Variants in OPCML observed in about 807,000 individuals in gnomAD.
The protein encoded by OPCML is opioid binding protein/cell adhesion molecule like.
A neutral mutation model predicts 37.8 loss-of-function variants in OPCML; 13 were observed. The observed-to-expected ratio is 0.34, with a 90% CI of 0.22 to 0.55. OPCML has a LOEUF of 0.55. Ranked by LOEUF, OPCML falls within the 20% of genes least tolerant of loss-of-function variation. The pLI, the probability that OPCML is intolerant of heterozygous loss-of-function variation, is 0.91. For missense variants in OPCML, 341 were observed against 435.6 expected, an observed-to-expected ratio of 0.78 and a Z score of 1.93; for synonymous variants, 176 against 168.8, an observed-to-expected ratio of 1.04 and a Z score of -0.33.
chr11:132,826,207 A>T (rs1253523359), intron 2 of OPCML, among the ~76,000 whole-genome samples: 3 of 152,198 alleles, frequency 2.0e-5, no homozygotes, highest in Non-Finnish European at 4.4e-5. Context: ...TGTCTGTCAC[A>T]CAGTTAGCCA....
At chr11:133,277,443 T>A (rs1455766698) in intron 1 of OPCML, among the ~76,000 whole-genome samples, 2 of 152,102 alleles carry the variant, frequency 1.3e-5, no homozygotes, top group African/African-American at 4.8e-5. Flanking sequence ...TTCATTAATT[T>A]ATACATTAGT....
intron 1 of OPCML, among the ~76,000 whole-genome samples, chr11:133,459,654 T>C (rs964386224): frequency 6.6e-6 from 1 of 152,042 alleles, no homozygotes; most frequent in African/African-American, 2.4e-5. Context: ...TATTATATAA[T>C]GATAAAAGGG....
At chr11:133,481,337 C>T (rs893701222) in intron 1 of OPCML, among the ~76,000 whole-genome samples, 1 of 151,848 alleles carries the variant, frequency 6.6e-6, no homozygotes, top group Non-Finnish European at 1.5e-5. Context: ...GAGTCAAGCC[C>T]AGAAAAGGGA....
chr11:132,875,787 T>C (rs1942988845), intron 2 of OPCML, among the ~76,000 whole-genome samples: 1 of 152,088 alleles, frequency 6.6e-6, no homozygotes, highest in South Asian at 2.1e-4. Context: ...TTATTGAAGG[T>C]CTCCTTTCCA....
At chr11:133,138,455 A>G (rs777894213) in intron 1 of OPCML, among the ~76,000 whole-genome samples, 2 of 152,224 alleles carry the variant, frequency 1.3e-5, no homozygotes, top group Admixed American at 6.5e-5. Context: ...CCTCCTCCAT[A>G]TATAGATCTC....
At chr11:133,129,742 C>A (rs1166176806) in intron 1 of OPCML, among the ~76,000 whole-genome samples, 2 of 151,808 alleles carry the variant, frequency 1.3e-5, no homozygotes, top group Non-Finnish European at 2.9e-5. Context: ...ATCTCTACAA[C>A]AATAATAATA....
intron 1 of OPCML, among the ~76,000 whole-genome samples, chr11:132,948,018 T>C (rs1278880613): frequency 6.6e-6 from 1 of 152,228 alleles, no homozygotes; most frequent in Non-Finnish European, 1.5e-5. Context: ...TATACTACTT[T>C]TGAAGTTATA....
intron 2 of OPCML, among the ~76,000 whole-genome samples, chr11:132,880,930 C>A (rs2136428035): frequency 6.6e-6 from 1 of 152,316 alleles, no homozygotes; most frequent in Non-Finnish European, 1.5e-5. Flanking sequence ...TCCCCACCCC[C>A]ACTTCCATTC....
In OPCML at chr11:133,532,440, G is replaced by A; in HGVS notation, c.-116C>T. 1.6e-6 allele frequency: 2 copies of A among 1,280,694 alleles called. No homozygotes were observed. The highest frequency in any genetic ancestry group is 2.2e-6 in the Non-Finnish European group (2 of 906,830). 79.3% of individuals were successfully genotyped at this position (1,280,694 alleles called of 1,614,324 possible). ...GGTTTAAATCCAATGTTTGCAAAGG[G>A]AGGGAGAGAGCAGAAGAGAGAGAGA... is the stretch of plus-strand genomic sequence containing the variant. On this transcript the variant is annotated 5_prime_UTR_variant, in exon 1 of 8. Transcript: ENST00000524381.
chr11:133,083,304 C>T (rs1948768910), intron 1 of OPCML, among the ~76,000 whole-genome samples: 1 of 152,180 alleles, frequency 6.6e-6, no homozygotes, highest in South Asian at 2.1e-4. Flanking sequence ...CAGACCCGAC[C>T]CCTCTGAGCT....
intron 1 of OPCML, among the ~76,000 whole-genome samples, chr11:133,204,443 G>A (rs1938944563): frequency 6.6e-6 from 1 of 152,140 alleles, no homozygotes; most frequent in South Asian, 2.1e-4. Flanking sequence ...AAAGAAGGAT[G>A]TTATGATATC....
In OPCML at chr11:132,883,296, C is replaced by T. The variant is rs538841476; in HGVS notation, c.146+59630G>A. Among the ~76,000 whole-genome samples the T allele has an allele frequency of 6.6e-5, 10 of 151,184 alleles. No homozygotes were observed. The South Asian group carries it at 2.1e-3, about 32-fold the overall frequency. ...TTAAAAAAAAAAAAGGGGGCTGAAA[C>T]AATCACATTAAATCATTATTTTAGG... On this transcript the variant is annotated intron_variant, in intron 2 of 7. Coordinates refer to ENST00000524381, the MANE Select transcript of OPCML (RefSeq NM_001012393.5).
intron 1 of OPCML, among the ~76,000 whole-genome samples, chr11:133,343,381 T>C (rs1943921184): frequency 6.6e-6 from 1 of 152,168 alleles, no homozygotes; most frequent in South Asian, 2.1e-4. Flanking sequence ...CCTCATTAGA[T>C]AAAAAATTAA....
At chr11:132,539,644 C>T (rs2096350799) in intron 3 of OPCML, among the ~76,000 whole-genome samples, 3 of 151,228 alleles carry the variant, frequency 2.0e-5, no homozygotes, top group Non-Finnish European at 4.4e-5. Flanking sequence ...ATGATGATGA[C>T]AAAGATGGTA....
At chr11:132,435,612 G>A (rs2136733440) in intron 7 of OPCML, among the ~76,000 whole-genome samples, 1 of 152,298 alleles carries the variant, frequency 6.6e-6, no homozygotes, top group Non-Finnish European at 1.5e-5. Context: ...TGTGGATAGA[G>A]CAGCCACCTG....
At chr11:133,164,080 A>G (rs1340382144) in intron 1 of OPCML, among the ~76,000 whole-genome samples, 2 of 152,220 alleles carry the variant, frequency 1.3e-5, no homozygotes, top group Non-Finnish European at 2.9e-5. Flanking sequence ...GAAGCCACCC[A>G]CGGCATGAGC....
At chr11:133,149,844 C>T (rs117820462) in intron 1 of OPCML, among the ~76,000 whole-genome samples, 1 of 152,296 alleles carries the variant, frequency 6.6e-6, no homozygotes, top group Non-Finnish European at 1.5e-5. Flanking sequence ...ACAGGAGGAT[C>T]GTCTGGGGAG....
intron 1 of OPCML, among the ~76,000 whole-genome samples, chr11:133,329,672 T>C (rs1263920768): frequency 6.6e-6 from 1 of 152,192 alleles, no homozygotes; most frequent in African/African-American, 2.4e-5. Flanking sequence ...CCTTACACCT[T>C]ATACAAAAAT....
intron 3 of OPCML, among the ~76,000 whole-genome samples, chr11:132,584,424 T>C (rs1248352971): frequency 6.6e-6 from 1 of 152,244 alleles, no homozygotes; most frequent in African/African-American, 2.4e-5. Flanking sequence ...GAAGGTCAAT[T>C]ATTCCTTCAT....
Sources: allele counts gnomAD v4.1 joint callset (sites outside exome capture counted in the v4.1 genomes callset), GRCh38; gene constraint gnomAD v4.1.1; transcripts MANE v1.5; gene names NCBI Gene and HGNC (gene_info 2026-07-23, HGNC 2026-07-21).